The following GALNT11 variants were observed in gnomAD, a reference collection of about 807,000 sequenced individuals.
The protein encoded by GALNT11 is polypeptide N-acetylgalactosaminyltransferase 11, also known as UDP-GalNAc:polypeptide N-acetylgalactosaminyltransferase 11.
Under a neutral mutation model 72.7 loss-of-function variants are expected in GALNT11, and 47 were observed. The observed-to-expected ratio is 0.65, with a 90% CI of 0.51 to 0.82. GALNT11 has a LOEUF of 0.82. Among genes scored for constraint, GALNT11 ranks in the 40% least tolerant of loss-of-function variants. GALNT11 has a pLI of 0.00. For synonymous variants in GALNT11, 270 were observed against 286.6 expected, an observed-to-expected ratio of 0.94 and a Z score of 0.58; for missense variants, 677 against 778.4, an observed-to-expected ratio of 0.87 and a Z score of 1.55.
intron 1 of GALNT11, among the ~76,000 whole-genome samples, chr7:152,033,773 G>T (rs527815485): frequency 6.6e-6 from 1 of 152,180 alleles, no homozygotes; most frequent in Non-Finnish European, 1.5e-5. Flanking sequence ...TCCCAGTGGG[G>T]ATCCATACTG....
intron 1 of GALNT11, among the ~76,000 whole-genome samples, chr7:152,078,176 TAGA>T (rs537846066): frequency 6.8e-4 from 104 of 152,182 alleles, no homozygotes; most frequent in Non-Finnish European, 1.4e-3. Context: ...ATTTGAATCC[TAGA>T]AGGAGAAGAG....
chr7:152,063,805 G>A (rs1032390529), intron 1 of GALNT11, among the ~76,000 whole-genome samples: 4 of 152,204 alleles, frequency 2.6e-5, no homozygotes, highest in Admixed American at 2.0e-4. Context: ...GTTCTAGTTT[G>A]ATTGCACTGT....
chr7:152,033,452 A>G (rs900883621), intron 1 of GALNT11, among the ~76,000 whole-genome samples: 1 of 152,136 alleles, frequency 6.6e-6, no homozygotes, highest in African/African-American at 2.4e-5. Context: ...GCCAGGTTTA[A>G]TAATGCCTCC....
intron 2 of GALNT11, among the ~76,000 whole-genome samples, chr7:152,099,132 G>C (rs1214259253): frequency 2.0e-5 from 3 of 151,632 alleles, no homozygotes; most frequent in Non-Finnish European, 4.4e-5. Context: ...AGTAGATACG[G>C]GGTTTTACCA....
rs894855504 is a variant in GALNT11, at chr7:152,025,861, C to T, written c.-62C>T. 5 of 283,020 alleles carry T rather than the reference C, an allele frequency of 1.8e-5. No homozygotes were observed. Among genetic ancestry groups the T allele is most frequent in the Non-Finnish European group, 3.8e-5 (5 of 130,682 alleles). The allele number at this position is 283,020 out of a possible 1,614,324, so 17.5% of individuals were successfully genotyped here. On this transcript the variant is annotated 5_prime_UTR_variant, in exon 1 of 12. Coordinates refer to ENST00000430044, the MANE Select transcript of GALNT11 (RefSeq NM_022087.4). ...CCGCAGCCCGAGTCCCAGAAGGCGG[C>T]GATCCTGGGCTGCGGGCAAGGCGGT...
intron 10 of GALNT11, chr7:152,120,108 A>G (rs2089286215): frequency 6.6e-6 from 1 of 152,252 alleles, no homozygotes; most frequent in African/African-American, 2.4e-5. Flanking sequence ...TTCTGTAGCC[A>G]CTAGTCACAT....
At chr7:152,047,842 A>G (rs902519355) in intron 1 of GALNT11, among the ~76,000 whole-genome samples, 9 of 152,026 alleles carry the variant, frequency 5.9e-5, no homozygotes, top group Admixed American at 3.9e-4. Flanking sequence ...TTCTATTTAT[A>G]TCTTATTGTA....
intron 1 of GALNT11, among the ~76,000 whole-genome samples, chr7:152,075,555 AC>A (rs1173220466): frequency 2.1e-5 from 1 of 48,568 alleles, no homozygotes; most frequent in Non-Finnish European, 3.8e-5. Flanking sequence ...TAATCCCAGC[AC>A]TTTGGGAGGC....
At chr7:152,095,722 AC>A (rs1356748384) in intron 2 of GALNT11, among the ~76,000 whole-genome samples, 1 of 152,220 alleles carries the variant, frequency 6.6e-6, no homozygotes, top group African/African-American at 2.4e-5. Flanking sequence ...ATTTATAGTT[AC>A]ATTGGTAAAG....
At position 152,118,728 on chromosome 7, in the gene GALNT11, T is replaced by C. The variant is rs2089132904; in HGVS notation, c.1503T>C (p.Ser501=). The part of the protein sequence containing the change: ...NKCLVAQGRP[S]QKGGLVVLKA... ...GCCTGGTGGCCCAGGGCCGCCCAAG[T>C]CAGAAGGGAGGTCTCGTGGTGCTTA... The change falls in exon 10 of 12, where the codon AGT becomes AGC. Residue 501 remains serine, a synonymous_variant. Coordinates refer to ENST00000430044, the MANE Select transcript of GALNT11 (RefSeq NM_022087.4). The C allele has an allele frequency of 1.9e-6, 3 of 1,611,666 alleles. No homozygotes were observed. The South Asian group carries it at 3.3e-5, about 18-fold the overall frequency.
At chr7:152,029,601 A>C (rs1307964272) in intron 1 of GALNT11, among the ~76,000 whole-genome samples, 2 of 152,254 alleles carry the variant, frequency 1.3e-5, no homozygotes, top group African/African-American at 4.8e-5. Context: ...TAGAATTGAT[A>C]TAGATGGCTC....
chr7:152,087,933 A>C (rs981913398), intron 1 of GALNT11, among the ~76,000 whole-genome samples: 1 of 152,254 alleles, frequency 6.6e-6, no homozygotes, highest in African/African-American at 2.4e-5. Flanking sequence ...CCAAAGTTGC[A>C]TTACTGATAT....
chr7:152,117,299 G>A lies in GALNT11; in HGVS notation c.1376G>A (p.Gly459Glu). The A allele has an allele frequency of 3.7e-6, 6 of 1,614,108 alleles. No individual in the cohort carries two copies. The highest frequency in any genetic ancestry group is 5.1e-6 in the Non-Finnish European group (6 of 1,180,022). Residue 459 changes from glycine to glutamate, a missense_variant, in exon 9 of 12, where the codon GGG becomes GAG. Gly to Glu is a moderately conservative substitution (Grantham distance 98, BLOSUM62 -2). Transcript: ENST00000430044. ...GTATACCCAGAGATGCAGATATCTG[G>A]GTCCCACGCCAAACCCCAACAACCC... ...DNVYPEMQISGSHAKPQQPIF... is the reference protein window; with the variant it reads ...DNVYPEMQISESHAKPQQPIF...
intron 2 of GALNT11, among the ~76,000 whole-genome samples, chr7:152,096,375 G>C (rs1254213621): frequency 2.6e-5 from 4 of 152,074 alleles, no homozygotes; most frequent in African/African-American, 7.2e-5. Flanking sequence ...AAATAAATTG[G>C]ACTACATCAA....
At chr7:152,096,242 T>C (rs554980953) in intron 2 of GALNT11, among the ~76,000 whole-genome samples, 1 of 152,186 alleles carries the variant, frequency 6.6e-6, no homozygotes, top group Non-Finnish European at 1.5e-5. Context: ...AAAATGTCAG[T>C]GGTCTTTGTT....
chr7:152,121,489 G>T, intron 11 of GALNT11, 57 bp from the exon 12 acceptor site: 2 of 1,576,532 alleles, frequency 1.3e-6, no homozygotes, highest in South Asian at 1.2e-5. Context: ...CTCTCCTCTG[G>T]ATTTCCATGT....
chr7:152,103,670 G>C (rs2087214044), intron 4 of GALNT11: 1 of 173,748 alleles, frequency 5.8e-6, no homozygotes, highest in Non-Finnish European at 1.3e-5. Flanking sequence ...CTGTCACACA[G>C]GTGGACTCCC....
chr7:152,041,166 T>G (rs1037663371), intron 1 of GALNT11, among the ~76,000 whole-genome samples: 1 of 152,208 alleles, frequency 6.6e-6, no homozygotes. Flanking sequence ...GTATCCAAAT[T>G]GGCTGTTGAT....
At chr7:152,093,554 T>G (rs2086180237) in intron 1 of GALNT11, among the ~76,000 whole-genome samples, 1 of 151,992 alleles carries the variant, frequency 6.6e-6, no homozygotes, top group African/African-American at 2.4e-5. Flanking sequence ...GCCTCCCAAG[T>G]AGCTGGGATT....
Sources: allele counts gnomAD v4.1 joint callset (sites outside exome capture counted in the v4.1 genomes callset), GRCh38; gene constraint gnomAD v4.1.1; transcripts MANE v1.5; gene names NCBI Gene and HGNC (gene_info 2026-07-23, HGNC 2026-07-21).